The following TTC27 variants were observed in gnomAD, a reference collection of about 807,000 sequenced individuals.
TTC27 encodes the protein tetratricopeptide repeat domain 27, also known as tetratricopeptide repeat protein 27.
TTC27 carries 79 observed loss-of-function variants against 115.9 expected under a neutral mutation model. That is an observed-to-expected ratio of 0.68 (90% CI 0.57 to 0.82). The LOEUF (loss-of-function observed/expected upper bound fraction) is 0.82. Among genes scored for constraint, TTC27 ranks in the 40% least tolerant of loss-of-function variants. TTC27 has a pLI of 0.00. For missense variants in TTC27, 1,054 were observed against 993.1 expected (o/e 1.06, Z -0.82); for synonymous variants, 401 against 356.0 (o/e 1.13, Z -1.42).
chr2:32,709,823 G>C (rs540151828), intron 10 of TTC27, among the ~76,000 whole-genome samples: 32 of 152,168 alleles, frequency 2.1e-4, no homozygotes, highest in African/African-American at 7.7e-4. Flanking sequence ...TGAAGATGTA[G>C]TTGATTAGCA....
chr2:32,719,078 G>C (rs1005180578), intron 10 of TTC27, among the ~76,000 whole-genome samples: 5 of 152,200 alleles, frequency 3.3e-5, no homozygotes, highest in African/African-American at 1.2e-4. Flanking sequence ...ACAGAGGATA[G>C]AGACCCAGTG....
chr2:32,718,949 T>C (rs1667836629), intron 10 of TTC27, among the ~76,000 whole-genome samples: 1 of 152,198 alleles, frequency 6.6e-6, no homozygotes, highest in Admixed American at 6.5e-5. Context: ...ACATGTGAGG[T>C]CTGAGATAGT....
Position 32,628,134 on chromosome 2 carries a change from G to T in TTC27, c.-159G>T. On this transcript the variant is annotated 5_prime_UTR_variant, in exon 1 of 20. Transcript: ENST00000317907. The stretch of plus-strand genomic sequence containing the variant: ...CTGCTGTTATGGCCGCCTCCTTGAG[G>T]TAGTATCCGCACATGGAATTCTAGG... 1 of 664,350 alleles carries T rather than the reference G, an allele frequency of 1.5e-6. No individual in the cohort carries two copies. The highest frequency in any genetic ancestry group is 1.8e-5 in the South Asian group (1 of 54,478). The allele number at this position is 664,350 out of a possible 1,614,324, so 41.2% of individuals were successfully genotyped here.
At chr2:32,802,893 C>T (rs1227720211) in intron 16 of TTC27, among the ~76,000 whole-genome samples, 1 of 152,180 alleles carries the variant, frequency 6.6e-6, no homozygotes, top group African/African-American at 2.4e-5. Context: ...CTGCACATGA[C>T]CCTTTAACTC....
rs375217609 is a variant in TTC27 at position 32,812,631 on chromosome 2, T to A, written c.2308+16T>A. ...CTTGCACATGGTATTTGATGTAACATTTGATATCCATGGAATGTTTTGACT... is the reference window on the plus strand; with the variant it reads ...CTTGCACATGGTATTTGATGTAACAATTGATATCCATGGAATGTTTTGACT... On this transcript the variant is annotated intron_variant, in intron 18 of 19. Transcript: ENST00000317907. 14 of 1,570,352 alleles carry A rather than the reference T, an allele frequency of 8.9e-6. No individual in the cohort carries two copies. Among genetic ancestry groups the A allele is most frequent in the Non-Finnish European group, 1.2e-5 (14 of 1,140,776 alleles).
chr2:32,628,515 T>G (rs6726541), intron 1 of TTC27, 135 bp downstream of exon 1: 23,541 of 908,910 alleles, frequency 0.026, 554 homozygotes, highest in African/African-American at 0.11. Context: ...TTGGGTCGTT[T>G]AGTCTTTGAC....
chr2:32,792,627 T>A (rs1016501488), intron 16 of TTC27, among the ~76,000 whole-genome samples: 2 of 152,038 alleles, frequency 1.3e-5, no homozygotes, highest in African/African-American at 4.8e-5. Context: ...GAGCTCCAAG[T>A]GGAGCAGGGA....
chr2:32,650,351 TTC>T (rs373481031), intron 5 of TTC27, 118 bp downstream of exon 5: 42 of 483,314 alleles, frequency 8.7e-5, no homozygotes, highest in South Asian at 1.8e-4. Context: ...TTTGAGTTGT[TTC>T]TTTTTTTTTT....
chr2:32,759,733 G>A (rs925455124), intron 13 of TTC27, among the ~76,000 whole-genome samples: 2 of 151,980 alleles, frequency 1.3e-5, no homozygotes, highest in Non-Finnish European at 2.9e-5. Context: ...TTTCCCCTTC[G>A]TTCCCCATCC....
chr2:32,726,131 G>T (rs1668102154), intron 10 of TTC27, among the ~76,000 whole-genome samples: 1 of 152,204 alleles, frequency 6.6e-6, no homozygotes, highest in Admixed American at 6.5e-5. Flanking sequence ...TATTGGAGGG[G>T]CTGCTGTGAA....
rs1168987401 is a variant in TTC27 at position 32,798,704 on chromosome 2, CA to C, written c.1998+11566del. The stretch of plus-strand genomic sequence containing the variant: ...TGGGCAACAGAGCGAGACTCCAGCT[CA>C]AAAAAAAAAATAATAATAATAATAA... On this transcript the variant is annotated intron_variant, in intron 16 of 19. Coordinates refer to ENST00000317907, the MANE Select transcript of TTC27 (RefSeq NM_017735.5). Among the ~76,000 whole-genome samples, 237 of 121,178 alleles carry C rather than the reference CA, an allele frequency of 2.0e-3. 3 individuals are homozygous for C. The highest frequency in any genetic ancestry group is 2.0e-3 in the Non-Finnish European group (120 of 60,258). The allele number at this position is 121,178 out of a possible 152,430, so 79.5% of individuals were successfully genotyped here.
chr2:32,728,317 A>AG (rs2151912993), intron 10 of TTC27, among the ~76,000 whole-genome samples: 1 of 152,184 alleles, frequency 6.6e-6, no homozygotes, highest in Non-Finnish European at 1.5e-5. Context: ...CTGGGATTAC[A>AG]GGCGTGAACC....
Position 32,684,366 on chromosome 2 carries a change from A to G in TTC27, c.1119+5444A>G, listed in dbSNP as rs972683792. Among the ~76,000 whole-genome samples, 3 of 152,030 alleles carry G rather than the reference A, an allele frequency of 2.0e-5. No individual in the cohort carries two copies. In the East Asian group the frequency reaches 5.8e-4, roughly 29 times the overall value. On this transcript the variant is annotated intron_variant, in intron 9 of 19. Coordinates refer to ENST00000317907, the MANE Select transcript of TTC27 (RefSeq NM_017735.5). The stretch of plus-strand genomic sequence containing the variant: ...TGGTTCCAAGTCTTTGCTATTGTGA[A>G]TAATGCCGCAATAAACATACGTGTG...
intron 7 of TTC27, 26 bp downstream of exon 7, chr2:32,666,794 T>G: frequency 6.2e-7 from 1 of 1,608,742 alleles, no homozygotes; most frequent in Non-Finnish European, 8.5e-7. Flanking sequence ...AGTTATTAAA[T>G]TCAATTAACA....
At chr2:32,813,120 G>C (rs1056387616) in intron 18 of TTC27, among the ~76,000 whole-genome samples, 1 of 152,124 alleles carries the variant, frequency 6.6e-6, no homozygotes, top group African/African-American at 2.4e-5. Flanking sequence ...TATGCCTGTT[G>C]GGTAAATATA....
intron 12 of TTC27, among the ~76,000 whole-genome samples, chr2:32,741,153 C>T (rs1022153391): frequency 2.1e-4 from 32 of 152,210 alleles, no homozygotes; most frequent in African/African-American, 6.8e-4. Context: ...CTGTCTAGAA[C>T]GTTTGTCTTC....
chr2:32,745,034 C>A (rs1572570321), intron 12 of TTC27, among the ~76,000 whole-genome samples: 3 of 99,202 alleles, frequency 3.0e-5, no homozygotes, highest in South Asian at 3.7e-4. Context: ...CCAGCCTGGG[C>A]AACAGAGTGA....
chr2:32,737,747 A>G (rs1668493510), intron 12 of TTC27, among the ~76,000 whole-genome samples: 1 of 152,184 alleles, frequency 6.6e-6, no homozygotes, highest in Admixed American at 6.5e-5. Context: ...TCACACTTGT[A>G]ATCCTAACAC....
At position 32,628,739 on chromosome 2, in the gene TTC27, C is replaced by CTATTTATT. The variant is rs35823725; in HGVS notation, c.88+392_88+399dup. ...GTTGGGTTAAGTAATTTTATTTTAT[C>CTATTTATT]TATTTATTTATTTATTTATTTATTT... On this transcript the variant is annotated intron_variant, in intron 1 of 19. Coordinates refer to ENST00000317907, the MANE Select transcript of TTC27 (RefSeq NM_017735.5). Among the ~76,000 whole-genome samples, 325 of 145,076 alleles carry CTATTTATT rather than the reference C, an allele frequency of 2.2e-3. 2 individuals carry two copies. Among genetic ancestry groups the CTATTTATT allele is most frequent in the Middle Eastern group, 3.5e-3 (1 of 284 alleles).
Sources: allele counts gnomAD v4.1 joint callset (sites outside exome capture counted in the v4.1 genomes callset), GRCh38; gene constraint gnomAD v4.1.1; transcripts MANE v1.5; gene names NCBI Gene and HGNC (gene_info 2026-07-23, HGNC 2026-07-21).